Variants in MAP3K5 observed in about 807,000 individuals in gnomAD.
The protein encoded by MAP3K5 is ASK-1.
MAP3K5 carries 56 observed loss-of-function variants against 158.7 expected under a neutral mutation model. That is an observed-to-expected ratio of 0.35 (90% confidence interval 0.28 to 0.44). MAP3K5 has a LOEUF of 0.44. MAP3K5 is among the 20% of genes least tolerant of loss of function. The probability of loss-of-function intolerance (pLI) is 1.00; values close to 1 mark genes in which losing one functional copy is unlikely to be tolerated. For synonymous variants in MAP3K5, 579 were observed against 601.7 expected, an observed-to-expected ratio of 0.96 and a Z score of 0.55; for missense variants, 1,294 against 1,674.8, an observed-to-expected ratio of 0.77 and a Z score of 3.97.
At chr6:136,578,991 T>A (rs974838908) in intron 25 of MAP3K5, among the ~76,000 whole-genome samples, 4 of 151,096 alleles carry the variant, frequency 2.6e-5, no homozygotes, top group African/African-American at 9.7e-5. Flanking sequence ...GGCAACAGAG[T>A]GAGACTTCAT....
chr6:136,620,585 G>A (rs990774340), intron 15 of MAP3K5, among the ~76,000 whole-genome samples: 5 of 152,140 alleles, frequency 3.3e-5, no homozygotes, highest in Non-Finnish European at 4.4e-5. Context: ...CTATGACCAC[G>A]GCCACAGAAC....
At chr6:136,650,530 G>C (rs1347479716) in intron 11 of MAP3K5, among the ~76,000 whole-genome samples, 3 of 152,224 alleles carry the variant, frequency 2.0e-5, no homozygotes, top group Non-Finnish European at 4.4e-5. Context: ...TGGCTAATCT[G>C]AGATTTGGCA....
At chr6:136,598,808 G>C (rs1301767566) in intron 21 of MAP3K5, among the ~76,000 whole-genome samples, 6 of 152,188 alleles carry the variant, frequency 3.9e-5, no homozygotes, top group African/African-American at 1.4e-4. Context: ...TAGAAGGAGA[G>C]TAAGACGAGC....
At chr6:136,642,858 G>A (rs570099616) in intron 11 of MAP3K5, among the ~76,000 whole-genome samples, 1 of 152,150 alleles carries the variant, frequency 6.6e-6, no homozygotes, top group South Asian at 2.1e-4. Flanking sequence ...ACTGTTGTGT[G>A]TTAATTTTTA....
chr6:136,658,313 C>CTTTTTTTT (rs57535051), intron 9 of MAP3K5, among the ~76,000 whole-genome samples: 50 of 90,472 alleles, frequency 5.5e-4, no homozygotes, highest in African/African-American at 7.4e-4. Flanking sequence ...TTCTTTCTTT[C>CTTTTTTTT]TTTTTTTTTT....
chr6:136,577,944 T>G (rs75840980), intron 25 of MAP3K5, among the ~76,000 whole-genome samples: 1 of 150,692 alleles, frequency 6.6e-6, no homozygotes, highest in Non-Finnish European at 1.5e-5. Context: ...AGGAAGTTTG[T>G]TTTTTTTTAA....
chr6:136,740,530 C>T (rs548779424), intron 1 of MAP3K5, among the ~76,000 whole-genome samples: 28 of 152,284 alleles, frequency 1.8e-4, no homozygotes, highest in African/African-American at 6.5e-4. Flanking sequence ...TGGAAACTGG[C>T]TTAAACCAGG....
At chr6:136,590,195 G>C (rs1775321618) in intron 23 of MAP3K5, among the ~76,000 whole-genome samples, 1 of 152,114 alleles carries the variant, frequency 6.6e-6, no homozygotes, top group Admixed American at 6.5e-5. Context: ...GCCCTCACCA[G>C]ATGCAGATGG....
intron 1 of MAP3K5, among the ~76,000 whole-genome samples, chr6:136,778,866 A>G (rs1784498971): frequency 1.3e-5 from 2 of 152,212 alleles, no homozygotes; most frequent in Non-Finnish European, 1.5e-5. Flanking sequence ...AAGTTGTTTT[A>G]AAGATTAAAT....
chr6:136,721,290 T>C (rs1007663451), intron 1 of MAP3K5, among the ~76,000 whole-genome samples: 15 of 149,264 alleles, frequency 1.0e-4, no homozygotes, highest in Non-Finnish European at 1.5e-4. Flanking sequence ...TTTTAAAAAA[T>C]AAATAGGTAA....
chr6:136,667,704 A>G (rs1779288536), intron 8 of MAP3K5, among the ~76,000 whole-genome samples: 1 of 151,576 alleles, frequency 6.6e-6, no homozygotes, highest in Non-Finnish European at 1.5e-5. Flanking sequence ...CAAAAAAATT[A>G]TCCGGGTGTG....
At chr6:136,592,869 A>C (rs575103509) in intron 21 of MAP3K5, 21 of 547,328 alleles carry the variant, frequency 3.8e-5, no homozygotes, top group South Asian at 2.5e-4. Flanking sequence ...CAGTCAAGGA[A>C]GCCCAAGTTC....
At chr6:136,624,066 C>T (rs1364804716) in intron 14 of MAP3K5, among the ~76,000 whole-genome samples, 3 of 152,014 alleles carry the variant, frequency 2.0e-5, no homozygotes, top group South Asian at 2.1e-4. Flanking sequence ...TGGTGGTGCA[C>T]GCCTGTAATC....
chr6:136,638,671 T>C lies in MAP3K5; in HGVS notation c.1934+872A>G, dbSNP rs576962519. Among the ~76,000 whole-genome samples the C allele has an allele frequency of 1.3e-4, 19 of 151,270 alleles. No homozygotes were observed. The South Asian group carries it at 3.7e-3, about 29-fold the overall frequency. ...TTTCTTATTTCCAAGTGTTTTTTTTTCCCCCACCATATGTTTTATGATAAT... is the reference window on the plus strand; with the variant it reads ...TTTCTTATTTCCAAGTGTTTTTTTTCCCCCCACCATATGTTTTATGATAAT... On this transcript the variant is annotated intron_variant, in intron 13 of 29. Transcript: ENST00000359015.
chr6:136,683,361 G>C (rs767469416), intron 7 of MAP3K5, among the ~76,000 whole-genome samples: 1 of 152,146 alleles, frequency 6.6e-6, no homozygotes, highest in Non-Finnish European at 1.5e-5. Flanking sequence ...AGTTCCCCTC[G>C]ACACTGGTGC....
intron 26 of MAP3K5, among the ~76,000 whole-genome samples, chr6:136,565,859 T>C (rs1774082188): frequency 6.6e-6 from 1 of 152,132 alleles, no homozygotes; most frequent in South Asian, 2.1e-4. Context: ...GTGGGAGATA[T>C]TACTGAAAAA....
At chr6:136,722,677 T>TC (rs1383228443) in intron 1 of MAP3K5, among the ~76,000 whole-genome samples, 10 of 147,262 alleles carry the variant, frequency 6.8e-5, no homozygotes, top group African/African-American at 2.2e-4. Flanking sequence ...TTTTTTCCTT[T>TC]TTTTTTTTTT....
At chr6:136,586,347 C>T (rs1220747700) in intron 23 of MAP3K5, among the ~76,000 whole-genome samples, 20 of 152,104 alleles carry the variant, frequency 1.3e-4, no homozygotes, top group African/African-American at 3.9e-4. Context: ...ACTTTTTTTT[C>T]GACATTAACT....
intron 25 of MAP3K5, among the ~76,000 whole-genome samples, chr6:136,574,492 T>C (rs1481394780): frequency 1.3e-5 from 2 of 152,106 alleles, no homozygotes; most frequent in African/African-American, 2.4e-5. Context: ...ACGGCCATCA[T>C]AGTCTCTGTG....
Sources: gnomAD v4.1 joint callset for allele counts (sites outside exome capture counted in the v4.1 genomes callset) on GRCh38, gnomAD v4.1.1 for gene constraint, MANE v1.5 for transcripts, NCBI Gene and HGNC (gene_info 2026-07-23, HGNC 2026-07-21) for gene names.